Variants in INPP5E observed in about 807,000 individuals in gnomAD.
The protein encoded by INPP5E is phosphatidylinositol polyphosphate 5-phosphatase type IV.
INPP5E carries 34 observed loss-of-function variants against 50.5 expected under a neutral mutation model. The observed-to-expected ratio is 0.67, with a 90% CI of 0.51 to 0.90. The LOEUF is 0.90. Ranked by LOEUF, INPP5E falls within the 40% of genes least tolerant of loss-of-function variation. INPP5E has a pLI of 0.00. For missense variants in INPP5E, 942 were observed against 905.5 expected, an observed-to-expected ratio of 1.04 and a Z score of -0.52; for synonymous variants, 447 against 406.0, an observed-to-expected ratio of 1.10 and a Z score of -1.21.
chr9:136,433,327 C>A (rs775182335), intron 3 of INPP5E, 48 bp from the exon 4 acceptor site: 3 of 1,539,434 alleles, frequency 1.9e-6, no homozygotes, highest in East Asian at 2.4e-5. Flanking sequence ...CCTCCCAGCT[C>A]CGCCACCCCC....
rs1403275842 is a variant in INPP5E at position 136,429,617 on chromosome 9, G to A, written c.*58C>T. On this transcript the variant is annotated 3_prime_UTR_variant, in exon 10 of 10. Transcript: ENST00000371712. ...CGGCAAACTCTTTGTCCTTCCCAGT[G>A]GGTTTTGATCAATACAATCACCCCA... The A allele has an allele frequency of 1.9e-6, 3 of 1,604,082 alleles. No homozygotes were observed. In the African/African-American group the frequency reaches 4.0e-5, roughly 21 times the overall value.
chr9:136,430,934 T>G, intron 8 of INPP5E, 68 bp downstream of exon 8: 1 of 1,127,452 alleles, frequency 8.9e-7, no homozygotes, highest in South Asian at 1.2e-5. Flanking sequence ...ACGCCAGGCA[T>G]CGGTTCCCGG....
In INPP5E at chr9:136,434,062, C is replaced by T. The variant is rs368235861; in HGVS notation, c.1009G>A (p.Gly337Arg). The change falls in exon 3 of 10, where the codon GGG becomes AGG. Residue 337 changes from glycine (G) to arginine (R), a missense_variant. Coordinates refer to ENST00000371712, the MANE Select transcript of INPP5E (RefSeq NM_019892.6). ...CTGTCAGAACAGCCCTCCTGGACCCCGATGACATACAGGTCCTGGGCATAG... is the reference window on the plus strand; with the variant it reads ...CTGTCAGAACAGCCCTCCTGGACCCTGATGACATACAGGTCCTGGGCATAG... Reference protein sequence around the residue: ...ADYAQDLYVIGVQEGCSDRRE... With the variant: ...ADYAQDLYVIRVQEGCSDRRE... The T allele has an allele frequency of 5.0e-6, 8 of 1,610,122 alleles. No individual in the cohort carries two copies. The highest frequency in any genetic ancestry group is 3.3e-4 in the Middle Eastern group (2 of 6,038).
Position 136,439,195 on chromosome 9 carries a change from G to C in INPP5E, c.225C>G (p.Pro75=), listed in dbSNP as rs767451997. 11 of 1,541,958 alleles carry C rather than the reference G, an allele frequency of 7.1e-6. No homozygotes were observed. The highest frequency in any genetic ancestry group is 9.6e-6 in the Non-Finnish European group (11 of 1,149,424). The change falls in exon 1 of 10, where the codon CCC becomes CCG. Residue 75 remains proline (P), a synonymous_variant. Coordinates refer to ENST00000371712, the MANE Select transcript of INPP5E (RefSeq NM_019892.6). ...ARAAPIAPRP[P]ARPRLERALS... ...GGGCTCGCTCCAGTCGAGGCCTGGC[G>C]GGGGGCCGCGGGGCGATGGGTGCTG...
intron 7 of INPP5E, 42 bp from the exon 8 acceptor site, chr9:136,431,159 T>G (rs1835690137): frequency 1.5e-6 from 2 of 1,365,796 alleles, no homozygotes; most frequent in Non-Finnish European, 2.1e-6. Context: ...GACCAGCTTG[T>G]GCCAGCCGCC....
Position 136,439,482 on chromosome 9 carries a change from G to T in INPP5E, c.-63C>A. 1 of 1,264,380 alleles carries T rather than the reference G, an allele frequency of 7.9e-7. No homozygotes were observed. The highest frequency in any genetic ancestry group is 1.0e-6 in the Non-Finnish European group (1 of 970,768). 78.3% of individuals were successfully genotyped at this position (1,264,380 alleles called of 1,614,324 possible). A position where few individuals can be genotyped will look rare whatever the true frequency, so the allele number is the denominator to read the frequency against. Reference sequence around the variant, plus strand: ...GCAGGCAGCGCGAGGGGTCACGGGTGCCGGGTCCGGGGTCGCCGGCGCAGC... The same window carrying T: ...GCAGGCAGCGCGAGGGGTCACGGGTTCCGGGTCCGGGGTCGCCGGCGCAGC... On this transcript the variant is annotated 5_prime_UTR_variant, in exon 1 of 10. Coordinates refer to ENST00000371712, the MANE Select transcript of INPP5E (RefSeq NM_019892.6).
rs78211353 is a variant in INPP5E, at chr9:136,438,951, C to A, written c.469G>T (p.Gly157Trp). Residue 157 changes from glycine to tryptophan, a missense_variant, in exon 1 of 10, where the codon GGG (glycine) becomes TGG (tryptophan). By Grantham distance (184) the Gly-to-Trp change is radical. Coordinates refer to ENST00000371712, the MANE Select transcript of INPP5E (RefSeq NM_019892.6). ...LSSERGSPSS[G>W]GNPLSGVASS... is the part of the protein sequence containing the mutation. ...GCCACCCCAGAGAGAGGGTTACCCC[C>A]CGAGGACGGGCTCCCTCTCTCACTG... is the stretch of plus-strand genomic sequence containing the variant. 1,400 of 1,569,736 alleles carry A rather than the reference C, an allele frequency of 8.9e-4. No individual in the cohort carries two copies. The highest frequency in any genetic ancestry group is 1.1e-3 in the Non-Finnish European group (1,279 of 1,157,830).
In INPP5E at chr9:136,439,634, A is replaced by T; in HGVS notation, c.-215T>A. The T allele has an allele frequency of 2.8e-6, 1 of 356,282 alleles. No homozygotes were observed. The highest frequency in any genetic ancestry group is 7.5e-4 in the Middle Eastern group (1 of 1,336). 22.1% of individuals were successfully genotyped at this position (356,282 alleles called of 1,614,324 possible). ...CTCGGGGCTCCCAGACGCCGTTCCC[A>T]GGGCGGTCCGCAGGCAAGGCCTGGG... is the stretch of plus-strand genomic sequence containing the variant. On this transcript the variant is annotated 5_prime_UTR_variant, in exon 1 of 10. Coordinates refer to ENST00000371712, the MANE Select transcript of INPP5E (RefSeq NM_019892.6).
chr9:136,429,901 G>T, intron 9 of INPP5E, 94 bp from the exon 10 acceptor site: 1 of 904,170 alleles, frequency 1.1e-6, no homozygotes, highest in Non-Finnish European at 1.8e-6. Flanking sequence ...GCATTTAAGA[G>T]GACACCCAGG....
In INPP5E at chr9:136,429,905, A is replaced by G. The variant is rs1588830729; in HGVS notation, c.1803-98T>C. On this transcript the variant is annotated intron_variant, in intron 9 of 9. Transcript: ENST00000371712. Reference sequence around the variant, plus strand: ...CGGAGGAGGGGGCATTTAAGAGGACACCCAGGGCCAGGATGAGGGGCTGTT... The same window carrying G: ...CGGAGGAGGGGGCATTTAAGAGGACGCCCAGGGCCAGGATGAGGGGCTGTT... 1.2e-5 allele frequency: 11 copies of G among 884,354 alleles called. No homozygotes were observed. In the Admixed American group the frequency reaches 2.1e-4, roughly 17 times the overall value. The allele number at this position is 884,354 out of a possible 1,614,324, so 54.8% of individuals were successfully genotyped here. A position where few individuals can be genotyped will look rare whatever the true frequency, so the allele number is the denominator to read the frequency against.
intron 2 of INPP5E, 116 bp downstream of exon 2, chr9:136,434,624 C>T (rs575722912): frequency 8.6e-4 from 1,221 of 1,417,072 alleles, no homozygotes; most frequent in Non-Finnish European, 1.1e-3. Context: ...GGGTGCACCT[C>T]GGGGCTCTGC....
chr9:136,434,107 G>T lies in INPP5E; in HGVS notation c.964C>A (p.Leu322Met), dbSNP rs1451261136. The T allele has an allele frequency of 1.2e-5, 19 of 1,610,012 alleles. No homozygotes were observed. The highest frequency in any genetic ancestry group is 1.4e-5 in the Non-Finnish European group (17 of 1,179,404). ...GCATAGTCGGCCTCGGCTGGGAGCA[G>T]GAACTCGTCCAGGCTGGGCGGGAGC... ...KELPPSLDEF[L>M]LPAEADYAQD... is the part of the protein sequence containing the mutation. The change falls in exon 3 of 10, where the codon CTG becomes ATG. Residue 322 changes from leucine to methionine, a missense_variant. By Grantham distance (15) the Leu-to-Met change is conservative. Coordinates refer to ENST00000371712, the MANE Select transcript of INPP5E (RefSeq NM_019892.6).
intron 1 of INPP5E, among the ~76,000 whole-genome samples, chr9:136,435,283 C>T (rs971616621): frequency 6.6e-6 from 1 of 151,962 alleles, no homozygotes; most frequent in African/African-American, 2.4e-5. Flanking sequence ...AGAGACCACA[C>T]GAGCCACACG....
Position 136,429,633 on chromosome 9 carries a change from A to G in INPP5E, c.*42T>C, listed in dbSNP as rs751590391. On this transcript the variant is annotated 3_prime_UTR_variant, in exon 10 of 10. Coordinates refer to ENST00000371712, the MANE Select transcript of INPP5E (RefSeq NM_019892.6). ...CTTCCCAGTGGGTTTTGATCAATAC[A>G]ATCACCCCACGTTGCAGCTGTGAGT... 6.2e-7 allele frequency: 1 copy of G among 1,611,522 alleles called. No homozygotes were observed. Among genetic ancestry groups the G allele is most frequent in the Admixed American group, 1.7e-5 (1 of 60,014 alleles).
At chr9:136,432,058 C>G in intron 6 of INPP5E, 73 bp from the exon 7 acceptor site, 1 of 1,584,178 alleles carries the variant, frequency 6.3e-7, no homozygotes, top group Non-Finnish European at 8.6e-7. Flanking sequence ...AGAACATGGC[C>G]TGGGAGTGGC....
chr9:136,433,130 C>T (rs778220818), intron 4 of INPP5E, 25 bp downstream of exon 4: 16 of 1,610,298 alleles, frequency 9.9e-6, no homozygotes, highest in Admixed American at 1.7e-5. Flanking sequence ...CTTCCAGCCG[C>T]GCCCACCCCT....
intron 8 of INPP5E, 50 bp from the exon 9 acceptor site, chr9:136,430,463 T>C (rs376451937): frequency 4.1e-5 from 64 of 1,549,388 alleles, no homozygotes; most frequent in Non-Finnish European, 5.6e-5. Flanking sequence ...TGAGGAGCCG[T>C]GGGGCGTGGC....
intron 5 of INPP5E, 111 bp downstream of exon 5, chr9:136,432,845 C>CA (rs1835742155): frequency 2.1e-6 from 3 of 1,401,966 alleles, no homozygotes; most frequent in Admixed American, 2.0e-5. Context: ...CCCCACGGCC[C>CA]TGGGTGGAAG....
chr9:136,434,072 C>G lies in INPP5E; in HGVS notation c.999G>C (p.Leu333=). 6.2e-7 allele frequency: 1 copy of G among 1,611,080 alleles called. No individual in the cohort carries two copies. The highest frequency in any genetic ancestry group is 8.5e-7 in the Non-Finnish European group (1 of 1,179,524). Residue 333 remains leucine, a synonymous_variant, in exon 3 of 10, where the codon CTG becomes CTC. Coordinates refer to ENST00000371712, the MANE Select transcript of INPP5E (RefSeq NM_019892.6). ...AGCCCTCCTGGACCCCGATGACATA[C>G]AGGTCCTGGGCATAGTCGGCCTCGG... The part of the protein sequence containing the change: ...LPAEADYAQD[L]YVIGVQEGCS...
Sources: gnomAD v4.1 joint callset for allele counts (sites outside exome capture counted in the v4.1 genomes callset) on GRCh38, gnomAD v4.1.1 for gene constraint, MANE v1.5 for transcripts, NCBI Gene and HGNC (gene_info 2026-07-23, HGNC 2026-07-21) for gene names.